MNAT1: variants seen among roughly 807,000 people sequenced by gnomAD.
MNAT1 encodes the protein CDK-activating kinase assembly factor MAT1.
In MNAT1, 43 loss-of-function variants were observed where a neutral mutation model predicts 42.0. The observed-to-expected ratio is 1.02, with a 90% CI of 0.80 to 1.32. MNAT1 has a LOEUF of 1.32. Ranked by LOEUF, MNAT1 falls within the 40% of genes most tolerant of loss-of-function variation. The pLI is 0.00. For synonymous variants in MNAT1, 118 were observed against 120.0 expected (o/e 0.98, Z 0.11); for missense variants, 306 against 350.4 (o/e 0.87, Z 1.01).
chr14:60,755,381 A>T (rs1177881276), intron 1 of MNAT1, among the ~76,000 whole-genome samples: 2 of 152,224 alleles, frequency 1.3e-5, no homozygotes, highest in East Asian at 3.9e-4. Context: ...TGACCTCATG[A>T]TCCACCCGCC....
At chr14:60,779,578 GAGATCA>G (rs1430707681) in intron 1 of MNAT1, among the ~76,000 whole-genome samples, 2 of 152,106 alleles carry the variant, frequency 1.3e-5, no homozygotes, top group African/African-American at 2.4e-5. Context: ...ATGAGGTCAG[GAGATCA>G]AGACCATCCT....
chr14:60,872,388 A>G (rs2034344803), intron 6 of MNAT1, among the ~76,000 whole-genome samples: 1 of 152,102 alleles, frequency 6.6e-6, no homozygotes, highest in Non-Finnish European at 1.5e-5. Context: ...TCCATCCTAC[A>G]TTACTCTTCC....
intron 6 of MNAT1, among the ~76,000 whole-genome samples, chr14:60,831,221 A>G (rs2033204831): frequency 6.6e-6 from 1 of 150,900 alleles, no homozygotes; most frequent in South Asian, 2.1e-4. Flanking sequence ...AGTTCTTGGG[A>G]TACATGTGGA....
intron 1 of MNAT1, among the ~76,000 whole-genome samples, chr14:60,782,965 G>T (rs953842123): frequency 7.2e-5 from 11 of 152,110 alleles, no homozygotes; most frequent in Non-Finnish European, 1.6e-4. Flanking sequence ...TGAAGGCAGG[G>T]ATAAAATCTT....
chr14:60,892,442 C>A (rs1483370571), intron 7 of MNAT1, among the ~76,000 whole-genome samples: 4 of 152,066 alleles, frequency 2.6e-5, no homozygotes. Flanking sequence ...CATGGAATAG[C>A]CTTTTTCATT....
At chr14:60,796,168 T>C in intron 1 of MNAT1, 49 bp from the exon 2 acceptor site, 2 of 1,552,376 alleles carry the variant, frequency 1.3e-6, no homozygotes, top group South Asian at 1.2e-5. Context: ...AGATGTGTTG[T>C]AGATTTGAAC....
chr14:60,961,709 A>G (rs532525587), intron 7 of MNAT1, among the ~76,000 whole-genome samples: 1 of 152,268 alleles, frequency 6.6e-6, no homozygotes, highest in South Asian at 2.1e-4. Context: ...TATCAGGGCT[A>G]CTTCAATACC....
At chr14:60,737,187 T>C (rs1896330575) in intron 1 of MNAT1, among the ~76,000 whole-genome samples, 1 of 152,104 alleles carries the variant, frequency 6.6e-6, no homozygotes, top group African/African-American at 2.4e-5. Flanking sequence ...AATTTAAAAT[T>C]ATATAAGCTA....
chr14:60,784,270 C>T lies in MNAT1; in HGVS notation c.90-11947C>T, dbSNP rs111717179. 5.4e-4 allele frequency among the ~76,000 whole-genome samples: 78 copies of T among 144,492 alleles called. 1 individual carries two copies. The highest frequency in any genetic ancestry group is 1.8e-3 in the African/African-American group (72 of 39,296). 94.8% of individuals were successfully genotyped at this position (144,492 alleles called of 152,430 possible). Reference sequence around the variant, plus strand: ...AACTCCTGACCTCAGGTGATCCACCCGCCTCTGCCTCCCAAAGTCCTGGGA... The same window carrying T: ...AACTCCTGACCTCAGGTGATCCACCTGCCTCTGCCTCCCAAAGTCCTGGGA... On this transcript the variant is annotated intron_variant, in intron 1 of 7. Coordinates refer to ENST00000261245, the MANE Select transcript of MNAT1 (RefSeq NM_002431.4).
chr14:60,854,893 T>G (rs2139423413), intron 6 of MNAT1, among the ~76,000 whole-genome samples: 1 of 152,230 alleles, frequency 6.6e-6, no homozygotes, highest in East Asian at 1.9e-4. Context: ...CAGGAACAAT[T>G]CAATCTGATG....
intron 7 of MNAT1, among the ~76,000 whole-genome samples, chr14:60,932,171 A>G (rs1485434641): frequency 6.6e-6 from 1 of 151,892 alleles, no homozygotes; most frequent in African/African-American, 2.4e-5. Context: ...CTTTTTTCTT[A>G]TGTAAGTTTA....
At chr14:60,900,993 G>C (rs1021487367) in intron 7 of MNAT1, among the ~76,000 whole-genome samples, 2 of 107,714 alleles carry the variant, frequency 1.9e-5, no homozygotes, top group African/African-American at 3.6e-5. Flanking sequence ...GTAGTGATGT[G>C]ATACAGTGAG....
rs559633061 is a variant in MNAT1, at chr14:60,891,596, C to T, written c.809+11761C>T. On this transcript the variant is annotated intron_variant, in intron 7 of 7. Transcript: ENST00000261245. The stretch of plus-strand genomic sequence containing the variant: ...CTCCTGAGTAGCTGGAATTTACAAG[C>T]GTGCACCACCATTCCTGGCTAATTT... 1.2e-4 allele frequency among the ~76,000 whole-genome samples: 18 copies of T among 152,048 alleles called. No individual in the cohort carries two copies. In the East Asian group the frequency reaches 1.9e-3, roughly 16 times the overall value.
At chr14:60,788,421 A>C (rs910259143) in intron 1 of MNAT1, among the ~76,000 whole-genome samples, 5 of 152,194 alleles carry the variant, frequency 3.3e-5, no homozygotes, top group Admixed American at 1.3e-4. Flanking sequence ...ATGATTTTTC[A>C]AAATGACAAA....
intron 7 of MNAT1, among the ~76,000 whole-genome samples, chr14:60,896,636 C>T (rs1195731277): frequency 2.6e-5 from 4 of 152,080 alleles, no homozygotes; most frequent in Non-Finnish European, 5.9e-5. Context: ...CAGGCGCACA[C>T]CACCATGCCT....
chr14:60,857,356 A>G (rs554551352), intron 6 of MNAT1, among the ~76,000 whole-genome samples: 1 of 151,532 alleles, frequency 6.6e-6, no homozygotes, highest in Non-Finnish European at 1.5e-5. Context: ...GGTAGAAACA[A>G]TAAGAGAACT....
intron 7 of MNAT1, chr14:60,920,237 T>G (rs147366084): frequency 6.6e-5 from 10 of 152,150 alleles, no homozygotes. Flanking sequence ...AAAAAAACTT[T>G]GAAAAGATTA....
intron 6 of MNAT1, among the ~76,000 whole-genome samples, chr14:60,875,208 A>T (rs1390430120): frequency 6.6e-6 from 1 of 152,130 alleles, no homozygotes; most frequent in African/African-American, 2.4e-5. Flanking sequence ...TAAACCACCT[A>T]GGATTTACTT....
Position 60,818,848 on chromosome 14 carries a change from G to A in MNAT1, c.687+1G>A, listed in dbSNP as rs927156722. 1 of 1,608,892 alleles carries A rather than the reference G, an allele frequency of 6.2e-7. No homozygotes were observed. The highest frequency in any genetic ancestry group is 8.5e-7 in the Non-Finnish European group (1 of 1,177,936). ...GACGTTTTCCACAGGCATCAAAATGGTAAGCCTTATTTTAATTGCTTGTTT... is the reference window on the plus strand; with the variant it reads ...GACGTTTTCCACAGGCATCAAAATGATAAGCCTTATTTTAATTGCTTGTTT... On this transcript the variant is annotated splice_donor_variant, in intron 6 of 7. Coordinates refer to ENST00000261245, the MANE Select transcript of MNAT1 (RefSeq NM_002431.4). LOFTEE classifies it high-confidence loss of function.
Sources: gnomAD v4.1 joint callset for allele counts (sites outside exome capture counted in the v4.1 genomes callset) on GRCh38, gnomAD v4.1.1 for gene constraint, MANE v1.5 for transcripts, NCBI Gene and HGNC (gene_info 2026-07-23, HGNC 2026-07-21) for gene names.